TRPM3: variants seen among roughly 807,000 people sequenced by gnomAD.
The protein encoded by TRPM3 is transient receptor potential cation channel subfamily M member 3.
A neutral mutation model predicts 181.2 loss-of-function variants in TRPM3; 77 were observed. The ratio of observed to expected loss-of-function variants is 0.42; its 90% CI spans 0.35 to 0.51. TRPM3 has a LOEUF of 0.51. Ranked by LOEUF, TRPM3 falls within the 20% of genes least tolerant of loss-of-function variation. TRPM3 has a pLI of 0.01. For missense variants in TRPM3, 1,759 were observed against 2,196.7 expected, an observed-to-expected ratio of 0.80 and a Z score of 3.98; for synonymous variants, 745 against 796.4, an observed-to-expected ratio of 0.94 and a Z score of 1.09.
intron 1 of TRPM3, among the ~76,000 whole-genome samples, chr9:70,890,013 T>C (rs958943830): frequency 6.8e-6 from 1 of 148,114 alleles, no homozygotes; most frequent in South Asian, 2.1e-4. Flanking sequence ...ATATATTCTA[T>C]ATAGCATATA....
intron 1 of TRPM3, among the ~76,000 whole-genome samples, chr9:70,970,359 A>G (rs1373666595): frequency 1.3e-5 from 2 of 152,194 alleles, no homozygotes; most frequent in African/African-American, 4.8e-5. Flanking sequence ...AAAGTCATTC[A>G]AAAACAAAAA....
At chr9:71,285,653 T>C (rs1194020209) in intron 1 of TRPM3, among the ~76,000 whole-genome samples, 1 of 152,148 alleles carries the variant, frequency 6.6e-6, no homozygotes, top group Admixed American at 6.5e-5. Context: ...AGCTATTTGG[T>C]CCAAGCCAGC....
intron 1 of TRPM3, among the ~76,000 whole-genome samples, chr9:71,095,815 G>T (rs1356206446): frequency 6.7e-6 from 1 of 148,612 alleles, no homozygotes; most frequent in Admixed American, 6.7e-5. Flanking sequence ...AAGAGAGAGA[G>T]ACTGACAAAA....
chr9:71,423,063 T>C (rs1239038630), intron 1 of TRPM3, among the ~76,000 whole-genome samples: 3 of 152,084 alleles, frequency 2.0e-5, no homozygotes, highest in Non-Finnish European at 4.4e-5. Flanking sequence ...TTAAGAGTTT[T>C]GCTTCATTTC....
intron 9 of TRPM3, among the ~76,000 whole-genome samples, chr9:70,670,405 T>G (rs993627243): frequency 2.6e-5 from 4 of 152,228 alleles, no homozygotes; most frequent in Non-Finnish European, 4.4e-5. Flanking sequence ...AATTCTCCTG[T>G]TAGAGACAAA....
intron 1 of TRPM3, among the ~76,000 whole-genome samples, chr9:71,357,557 CTAAT>C (rs893408755): frequency 2.2e-4 from 34 of 152,078 alleles, no homozygotes; most frequent in African/African-American, 7.2e-4. Flanking sequence ...GGCCCAGTCT[CTAAT>C]TAACAGCATG....
At chr9:70,576,695 A>G (rs2054095551) in intron 22 of TRPM3, among the ~76,000 whole-genome samples, 1 of 151,926 alleles carries the variant, frequency 6.6e-6, no homozygotes, top group Non-Finnish European at 1.5e-5. Flanking sequence ...TTGTATTTTT[A>G]GTAGAGATGG....
intron 6 of TRPM3, among the ~76,000 whole-genome samples, chr9:70,793,010 C>T (rs1178147349): frequency 1.3e-5 from 2 of 152,170 alleles, no homozygotes; most frequent in African/African-American, 2.4e-5. Context: ...GTTTGAATTT[C>T]ATTTAGTTTT....
chr9:70,754,608 C>T (rs1800740915), intron 8 of TRPM3, among the ~76,000 whole-genome samples: 2 of 152,138 alleles, frequency 1.3e-5, no homozygotes, highest in Admixed American at 1.3e-4. Context: ...CACCCAGAGG[C>T]CCATCCATAG....
chr9:70,646,167 G>A (rs866839077), intron 9 of TRPM3, among the ~76,000 whole-genome samples: 10 of 152,190 alleles, frequency 6.6e-5, no homozygotes, highest in Non-Finnish European at 1.0e-4. Flanking sequence ...ACAGTGTGGC[G>A]ATTCCTCAAG....
chr9:70,860,807 T>C (rs2095501830), intron 3 of TRPM3, among the ~76,000 whole-genome samples: 1 of 152,202 alleles, frequency 6.6e-6, no homozygotes, highest in African/African-American at 2.4e-5. Context: ...ATAATATTAA[T>C]AGCAGCTAGA....
Position 71,111,925 on chromosome 9 carries a change from T to A in TRPM3, c.177+9253A>T, listed in dbSNP as rs887775821. Among the ~76,000 whole-genome samples, 9 of 152,266 alleles carry A rather than the reference T, an allele frequency of 5.9e-5. No individual in the cohort carries two copies. The East Asian group carries it at 1.7e-3, about 29-fold the overall frequency. ...TCTTCCATAAGCAAGTTATTTTGAC[T>A]CTGATTTATTTTTTCCCTGTAGGAA... is the stretch of plus-strand genomic sequence containing the variant. On this transcript the variant is annotated intron_variant, in intron 1 of 25. Transcript: ENST00000677713.
chr9:70,598,346 T>A (rs181111712), intron 21 of TRPM3, 73 bp downstream of exon 21: 1 of 1,559,100 alleles, frequency 6.4e-7, no homozygotes, highest in East Asian at 2.3e-5. Flanking sequence ...CCCAAATGAA[T>A]TATTTCCCTC....
chr9:70,772,754 A>G (rs1341754064), intron 7 of TRPM3, among the ~76,000 whole-genome samples: 1 of 152,014 alleles, frequency 6.6e-6, no homozygotes, highest in Non-Finnish European at 1.5e-5. Flanking sequence ...TGTCTCTGTC[A>G]TGTCTCTTCT....
chr9:70,769,958 T>C (rs1564200877), intron 7 of TRPM3, among the ~76,000 whole-genome samples: 3 of 152,216 alleles, frequency 2.0e-5, no homozygotes, highest in African/African-American at 7.2e-5. Flanking sequence ...TGGGATGTAC[T>C]TCAAGCCTAT....
At chr9:70,820,399 G>A (rs537414) in intron 6 of TRPM3, among the ~76,000 whole-genome samples, 98,370 of 152,036 alleles carry the variant, frequency 0.65, 32,062 homozygotes, top group Middle Eastern at 0.8. Context: ...TTGTTTGTTT[G>A]TTTTTGAGAC....
At chr9:70,917,160 C>G in intron 1 of TRPM3, 1 of 1,605,744 alleles carries the variant, frequency 6.2e-7, no homozygotes, top group South Asian at 1.1e-5. Context: ...GCATACTGGT[C>G]CAGTTCTAGG....
At chr9:70,611,271 T>C (rs774379703) in intron 18 of TRPM3, among the ~76,000 whole-genome samples, 1 of 152,212 alleles carries the variant, frequency 6.6e-6, no homozygotes, top group Admixed American at 6.5e-5. Flanking sequence ...GTTAGTGATA[T>C]GGTTTGGCTC....
intron 1 of TRPM3, among the ~76,000 whole-genome samples, chr9:70,926,770 G>C (rs2096725461): frequency 6.6e-6 from 1 of 152,156 alleles, no homozygotes; most frequent in Admixed American, 6.5e-5. Flanking sequence ...TGAACATATT[G>C]TAACAGTCTC....
Sources: allele counts gnomAD v4.1 joint callset (sites outside exome capture counted in the v4.1 genomes callset), GRCh38; gene constraint gnomAD v4.1.1; transcripts MANE v1.5; gene names NCBI Gene and HGNC (gene_info 2026-07-23, HGNC 2026-07-21).